The following DOCK3 variants were observed in gnomAD, a reference collection of about 807,000 sequenced individuals.
DOCK3 encodes dedicator of cytokinesis protein 3.
In DOCK3, 60 loss-of-function variants were observed where a neutral mutation model predicts 265.6. The observed-to-expected ratio is 0.23, with a 90% confidence interval of 0.18 to 0.28. The LOEUF is 0.28. DOCK3 is among the 10% of genes least tolerant of loss of function. The pLI is 1.00. For synonymous variants in DOCK3, 881 were observed against 938.0 expected (o/e 0.94, Z 1.11); for missense variants, 1,981 against 2,594.3 (o/e 0.76, Z 5.14).
chr3:50,790,372 T>C (rs541911823), intron 2 of DOCK3, among the ~76,000 whole-genome samples: 31 of 152,240 alleles, frequency 2.0e-4, no homozygotes, highest in African/African-American at 6.5e-4. Context: ...ACCTTGTTTG[T>C]TTTTTTCTCA....
intron 1 of DOCK3, among the ~76,000 whole-genome samples, chr3:50,763,111 A>G (rs937197677): frequency 3.9e-5 from 6 of 152,152 alleles, no homozygotes; most frequent in South Asian, 2.1e-4. Context: ...ATGCTTTTCA[A>G]CTTACAGTGG....
intron 1 of DOCK3, among the ~76,000 whole-genome samples, chr3:50,699,045 G>A (rs1457021783): frequency 6.6e-6 from 1 of 152,076 alleles, no homozygotes; most frequent in African/African-American, 2.4e-5. Flanking sequence ...GGAAATCAGG[G>A]CTAAATCCAT....
chr3:50,716,056 C>T (rs897323504), intron 1 of DOCK3, among the ~76,000 whole-genome samples: 1 of 151,846 alleles, frequency 6.6e-6, no homozygotes, highest in Non-Finnish European at 1.5e-5. Context: ...GTGTATTATA[C>T]TTCTCTATAT....
intron 4 of DOCK3, among the ~76,000 whole-genome samples, chr3:50,904,207 G>A (rs951327531): frequency 6.6e-6 from 1 of 152,158 alleles, no homozygotes; most frequent in Non-Finnish European, 1.5e-5. Flanking sequence ...ATTGTGAATA[G>A]TGCCACATTA....
intron 1 of DOCK3, among the ~76,000 whole-genome samples, chr3:50,742,319 AC>A (rs1276464331): frequency 6.6e-6 from 1 of 152,246 alleles, no homozygotes; most frequent in East Asian, 1.9e-4. Context: ...GCAGCTCCTC[AC>A]CAGCAACGGA....
chr3:51,234,243 T>G (rs972731988), intron 19 of DOCK3, among the ~76,000 whole-genome samples: 5 of 152,234 alleles, frequency 3.3e-5, no homozygotes, highest in Non-Finnish European at 5.9e-5. Flanking sequence ...TGATGATTAG[T>G]GATGATGAGC....
intron 5 of DOCK3, among the ~76,000 whole-genome samples, chr3:51,058,226 G>T (rs2081272594): frequency 6.6e-6 from 1 of 152,164 alleles, no homozygotes; most frequent in Non-Finnish European, 1.5e-5. Flanking sequence ...CTGAGAACTG[G>T]CCTAGCTCAC....
chr3:51,249,507 G>A (rs1361578086), intron 22 of DOCK3, among the ~76,000 whole-genome samples: 2 of 90,898 alleles, frequency 2.2e-5, no homozygotes, highest in African/African-American at 8.2e-5. Flanking sequence ...GAGGTGGGGG[G>A]GTCAGCTCCC....
chr3:51,085,865 C>T (rs1238533729), intron 7 of DOCK3, among the ~76,000 whole-genome samples: 1 of 152,018 alleles, frequency 6.6e-6, no homozygotes, highest in Non-Finnish European at 1.5e-5. Context: ...TACAAAGGAT[C>T]AGCGAAACAA....
At chr3:51,009,691 T>G (rs893063091) in intron 5 of DOCK3, among the ~76,000 whole-genome samples, 2 of 152,206 alleles carry the variant, frequency 1.3e-5, no homozygotes, top group African/African-American at 4.8e-5. Context: ...TTTTCTCTAG[T>G]TCTTTTAATT....
In DOCK3 at chr3:51,353,175, T is replaced by G. The variant is rs533628997; in HGVS notation, c.4108-1707T>G. On this transcript the variant is annotated intron_variant, in intron 40 of 52. Transcript: ENST00000266037. The stretch of plus-strand genomic sequence containing the variant: ...ACAAGTACTTTCTTTGTCAGTTTTA[T>G]TTATCAAGCAAAAGATGTAGAAATA... Among the ~76,000 whole-genome samples, 4 of 152,360 alleles carry G rather than the reference T, an allele frequency of 2.6e-5. No individual in the cohort carries two copies. In the East Asian group the frequency reaches 5.8e-4, roughly 22 times the overall value.
At chr3:51,026,540 T>G (rs2079831576) in intron 5 of DOCK3, among the ~76,000 whole-genome samples, 1 of 151,960 alleles carries the variant, frequency 6.6e-6, no homozygotes, top group Non-Finnish European at 1.5e-5. Context: ...TTTCTTGAAG[T>G]AGTTTCAGTA....
intron 9 of DOCK3, among the ~76,000 whole-genome samples, chr3:51,114,935 A>G (rs2083670510): frequency 1.3e-5 from 2 of 151,874 alleles, no homozygotes; most frequent in South Asian, 4.2e-4. Flanking sequence ...TAGTTTGCTG[A>G]GAATTATGGT....
chr3:51,184,027 C>T (rs963402841), intron 12 of DOCK3, among the ~76,000 whole-genome samples: 3 of 152,030 alleles, frequency 2.0e-5, no homozygotes, highest in Non-Finnish European at 2.9e-5. Context: ...CAAAAAAATA[C>T]AGGCCGGGGT....
intron 22 of DOCK3, among the ~76,000 whole-genome samples, chr3:51,248,808 C>G (rs1404834888): frequency 6.6e-6 from 1 of 150,456 alleles, no homozygotes; most frequent in Admixed American, 6.6e-5. Context: ...GCCCGGCCGC[C>G]CATCGTCTGG....
At chr3:51,245,935 A>G (rs2078817699) in intron 21 of DOCK3, among the ~76,000 whole-genome samples, 1 of 152,170 alleles carries the variant, frequency 6.6e-6, no homozygotes, top group Non-Finnish European at 1.5e-5. Context: ...TCATTCAAGG[A>G]TACAAAACTA....
chr3:51,272,139 A>G (rs2080537054), intron 24 of DOCK3, among the ~76,000 whole-genome samples: 1 of 152,240 alleles, frequency 6.6e-6, no homozygotes, highest in Non-Finnish European at 1.5e-5. Flanking sequence ...GCCATATATT[A>G]AGATCAATAT....
chr3:51,213,905 A>T (rs1345976952), intron 13 of DOCK3, among the ~76,000 whole-genome samples: 1 of 152,188 alleles, frequency 6.6e-6, no homozygotes, highest in African/African-American at 2.4e-5. Context: ...TATGTTTAAT[A>T]GACTAATTCT....
intron 32 of DOCK3, among the ~76,000 whole-genome samples, chr3:51,318,839 A>C: frequency 6.6e-6 from 1 of 152,228 alleles, no homozygotes; most frequent in Middle Eastern, 3.4e-3. Context: ...AAATGATTGC[A>C]ATTTTTAAAT....
Sources: allele counts gnomAD v4.1 joint callset (sites outside exome capture counted in the v4.1 genomes callset), GRCh38; gene constraint gnomAD v4.1.1; transcripts MANE v1.5; gene names NCBI Gene and HGNC (gene_info 2026-07-23, HGNC 2026-07-21).